The following INF2 variants were observed in gnomAD, a reference collection of about 807,000 sequenced individuals.
INF2 encodes inverted formin 2.
INF2 carries 43 observed loss-of-function variants against 123.5 expected under a neutral mutation model. That is an observed-to-expected ratio of 0.35 (90% CI 0.27 to 0.45). INF2 has a LOEUF of 0.45. INF2 is among the 20% of genes least tolerant of loss of function. The pLI is 1.00. For missense variants in INF2, 1,453 were observed against 1,682.7 expected (o/e 0.86, Z 2.39); for synonymous variants, 851 against 745.0 (o/e 1.14, Z -2.32).
chr14:104,682,020 C>T (rs1259943406), intron 1 of INF2, among the ~76,000 whole-genome samples: 1 of 152,078 alleles, frequency 6.6e-6, no homozygotes, highest in Middle Eastern at 3.2e-3. Context: ...GGAGGAGTTC[C>T]CTGGGGTGGG....
intron 5 of INF2, among the ~76,000 whole-genome samples, chr14:104,705,569 C>CT (rs1370780749): frequency 1.3e-5 from 2 of 152,182 alleles, no homozygotes; most frequent in African/African-American, 2.4e-5. Flanking sequence ...CCAGTGAACA[C>CT]TAAGTTTCCT....
Position 104,721,408 on chromosome 14 carries a change from C to T in INF2, c.*2615C>T, listed in dbSNP as rs916484578. 6.2e-6 allele frequency: 1 copy of T among 161,062 alleles called. No individual in the cohort carries two copies. The highest frequency in any genetic ancestry group is 1.4e-5 in the Non-Finnish European group (1 of 73,766). The allele number at this position is 161,062 out of a possible 1,614,324, so 10.0% of individuals were successfully genotyped here. A position where few individuals can be genotyped will look rare whatever the true frequency, so the allele number is the denominator to read the frequency against. On this transcript the variant is annotated 3_prime_UTR_variant, in exon 23 of 23. Transcript: ENST00000392634. Reference sequence around the variant, plus strand: ...CTGCTGTGGACGTCTGCGTCGTCCTCGTGTGGATGCTGCTGTGGACGTCTG... The same window carrying T: ...CTGCTGTGGACGTCTGCGTCGTCCTTGTGTGGATGCTGCTGTGGACGTCTG...
Position 104,701,649 on chromosome 14 carries a change from C to A in INF2, c.284C>A (p.Ala95Asp). 6.3e-7 allele frequency: 1 copy of A among 1,596,998 alleles called. No homozygotes were observed. The highest frequency in any genetic ancestry group is 8.5e-7 in the Non-Finnish European group (1 of 1,173,748). Reference protein sequence around the residue: ...SGRGVARISDALLQLTCVSCV... With the variant: ...SGRGVARISDDLLQLTCVSCV... ...CGCGGCGTTGCACGTATCTCCGACG[C>A]CCTGCTGCAGCTCACCTGCGTCAGC... Residue 95 changes from alanine (A) to aspartate (D), a missense_variant, in exon 2 of 23, where the codon GCC becomes GAC. Coordinates refer to ENST00000392634, the MANE Select transcript of INF2 (RefSeq NM_022489.4).
intron 1 of INF2, among the ~76,000 whole-genome samples, chr14:104,691,491 A>G (rs910044134): frequency 6.6e-6 from 1 of 152,168 alleles, no homozygotes; most frequent in Non-Finnish European, 1.5e-5. Flanking sequence ...CCCTACCTCC[A>G]TCTTGCAAAC....
chr14:104,716,015 C>T (rs1052794918), intron 22 of INF2: 46 of 451,800 alleles, frequency 1.0e-4, no homozygotes, highest in Admixed American at 9.0e-4. Context: ...GTCAATCAGC[C>T]AGGTCCGTCC....
chr14:104,701,581 C>A lies in INF2; in HGVS notation c.216C>A (p.Ser72Arg). Residue 72 changes from serine to arginine, a missense_variant, in exon 2 of 23, where the codon AGC becomes AGA. Physicochemically the swap from Ser to Arg is moderately radical, Grantham distance 110 (BLOSUM62 -1). Transcript: ENST00000392634. ...GGATGGTGCAGTTCCTGGAGCAGAG[C>A]GGCCTGGACCTGCTGCTGGAGGCGC... ...GGWMVQFLEQ[S>R]GLDLLLEALA... 2.5e-6 allele frequency: 4 copies of A among 1,607,596 alleles called. No homozygotes were observed. The highest frequency in any genetic ancestry group is 3.4e-6 in the Non-Finnish European group (4 of 1,178,814).
At chr14:104,710,733 G>A (rs1890012818) in intron 13 of INF2, 3 of 594,510 alleles carry the variant, frequency 5.0e-6, no homozygotes, top group East Asian at 5.6e-5. Flanking sequence ...GCTCACGTCT[G>A]TCAGGCACAC....
chr14:104,684,200 C>A lies in INF2; in HGVS notation c.-104+2618C>A. 2.2e-6 allele frequency: 1 copy of A among 451,136 alleles called. No homozygotes were observed. The highest frequency in any genetic ancestry group is 1.6e-5 in the South Asian group (1 of 64,134). The allele number at this position is 451,136 out of a possible 1,614,324, so 27.9% of individuals were successfully genotyped here. A position where few individuals can be genotyped will look rare whatever the true frequency, so the allele number is the denominator to read the frequency against. ...AGCACGCATCCCATCTGGACTCCCA[C>A]CAGACAACTGAGGCAACCGAGAAGG... On this transcript the variant is annotated intron_variant, in intron 1 of 2. Transcript: ENST00000674723. This position sits in a 1 kb window ranked among gnomAD's most constrained non-coding sequence, Gnocchi z 5.0.
At chr14:104,709,996 C>A in intron 12 of INF2, 92 bp from the exon 13 acceptor site, 3 of 1,155,050 alleles carry the variant, frequency 2.6e-6, no homozygotes, top group African/African-American at 1.5e-5. Context: ...TCCCTTTGCC[C>A]ACCACCCAAG....
rs200662352 is a variant in INF2 at position 104,703,357 on chromosome 14, C to T, written c.570C>T (p.Asn190=). ...TGAACGAGCTCTCCGGCAGCGACAA[C>T]GTGCCCTACGTGGTCACCCTGCTTA... The part of the protein sequence containing the change: ...IVMNELSGSD[N]VPYVVTLLSV... The change falls in exon 4 of 23, where the codon AAC becomes AAT. Residue 190 remains asparagine (N), a synonymous_variant. Transcript: ENST00000392634. 2.2e-5 allele frequency: 36 copies of T among 1,613,086 alleles called. No homozygotes were observed. The highest frequency in any genetic ancestry group is 5.0e-5 in the Admixed American group (3 of 60,036).
chr14:104,718,536 T>G (rs947300538), intron 22 of INF2, among the ~76,000 whole-genome samples: 1 of 152,060 alleles, frequency 6.6e-6, no homozygotes, highest in African/African-American at 2.4e-5. Flanking sequence ...ATTCCCTATC[T>G]CAGCAGAGAG....
intron 1 of INF2, among the ~76,000 whole-genome samples, chr14:104,681,866 G>GGGGAGCCAGGAA (rs796764560): frequency 5.3e-4 from 80 of 152,334 alleles, no homozygotes; most frequent in Middle Eastern, 3.4e-3. Flanking sequence ...AAGTCTAACT[G>GGGGAGCCAGGAA]GGGAGCCAGG....
rs745354738 is a variant in INF2, at chr14:104,703,441, G to C, written c.654G>C (p.Arg218=). ...PEDLRARTQL[R]NEFIGLQLLD... ...ACCTGCGCGCGCGCACCCAGCTGCG[G>C]AACGAGTTTATCGGTAAGCACCTGC... Residue 218 remains arginine, a synonymous_variant, in exon 4 of 23, where the codon CGG becomes CGC. Transcript: ENST00000392634. 6 of 1,612,368 alleles carry C rather than the reference G, an allele frequency of 3.7e-6. No individual in the cohort carries two copies. In the South Asian group the frequency reaches 6.6e-5, roughly 18 times the overall value.
At position 104,707,805 on chromosome 14, in the gene INF2, G is replaced by T; in HGVS notation, c.1538G>T (p.Gly513Val). 1 of 1,524,228 alleles carries T rather than the reference G, an allele frequency of 6.6e-7. No homozygotes were observed. 94.4% of individuals were successfully genotyped at this position (1,524,228 alleles called of 1,614,324 possible). A position where few individuals can be genotyped will look rare whatever the true frequency, so the allele number is the denominator to read the frequency against. Residue 513 changes from glycine to valine, a missense_variant, in exon 8 of 23, where the codon GGC becomes GTC. Physicochemically the swap from Gly to Val is moderately radical, Grantham distance 109. This residue lies in a region of INF2 where 374 missense variants were observed against 303.7 expected (regional missense o/e 1.23). Coordinates refer to ENST00000392634, the MANE Select transcript of INF2 (RefSeq NM_022489.4). ...CCCCTGCTGCCTGGTATGGGCTGGG[G>T]CCCTCCTCCACCCCCACCTCCACTA... ...PPPLLPGMGW[G>V]PPPPPPPLLP...
intron 18 of INF2, 92 bp from the exon 19 acceptor site, chr14:104,713,115 C>T (rs929780291): frequency 1.1e-5 from 18 of 1,606,494 alleles, no homozygotes; most frequent in Admixed American, 1.0e-4. Context: ...GTGGGCCCTG[C>T]GCTGCTGCGG....
chr14:104,715,098 TA>T (rs1337538924), intron 21 of INF2, among the ~76,000 whole-genome samples, 185 bp from the exon 22 acceptor site: 2 of 151,790 alleles, frequency 1.3e-5, no homozygotes, highest in Non-Finnish European at 2.9e-5. Flanking sequence ...CGTTAGGGAG[TA>T]GGGGGCGGAC....
At position 104,721,946 on chromosome 14, in the gene INF2, A is replaced by C. The variant is rs1595188796; in HGVS notation, c.*3153A>C. On this transcript the variant is annotated 3_prime_UTR_variant, in exon 23 of 23. Coordinates refer to ENST00000392634, the MANE Select transcript of INF2 (RefSeq NM_022489.4). Reference sequence around the variant, plus strand: ...TGTGGGTGTCTGTGTGTCCTGGGCCACTGTGTGCGATGGTCCCACTGGGAG... The same window carrying C: ...TGTGGGTGTCTGTGTGTCCTGGGCCCCTGTGTGCGATGGTCCCACTGGGAG... 6.6e-6 allele frequency: 1 copy of C among 152,484 alleles called. No individual in the cohort carries two copies. The highest frequency in any genetic ancestry group is 1.5e-5 in the Non-Finnish European group (1 of 68,110). The allele number at this position is 152,484 out of a possible 1,614,324, so 9.4% of individuals were successfully genotyped here. A position where few individuals can be genotyped will look rare whatever the true frequency, so the allele number is the denominator to read the frequency against.
upstream of INF2, among the ~76,000 whole-genome samples, chr14:104,689,047 C>G (rs1213539073): frequency 6.6e-6 from 1 of 152,200 alleles, no homozygotes; most frequent in Non-Finnish European, 1.5e-5. Context: ...TGCGGCTGCC[C>G]AAGACCGCCG....
In INF2 at chr14:104,721,183, T is replaced by G. The variant is rs1890544332; in HGVS notation, c.*2390T>G. On this transcript the variant is annotated 3_prime_UTR_variant, in exon 23 of 23. Coordinates refer to ENST00000392634, the MANE Select transcript of INF2 (RefSeq NM_022489.4). ...CGTCGTCCTCGTGTGGATGCTGCTA[T>G]GGACGTCTGCGTAGTCTCGTGTGGA... 7.4e-6 allele frequency: 1 copy of G among 135,778 alleles called. No homozygotes were observed. Among genetic ancestry groups the G allele is most frequent in the African/African-American group, 2.9e-5 (1 of 34,898 alleles). 8.4% of individuals were successfully genotyped at this position (135,778 alleles called of 1,614,324 possible).
Sources: allele counts gnomAD v4.1 joint callset (sites outside exome capture counted in the v4.1 genomes callset), GRCh38; gene constraint gnomAD v4.1.1; regional missense constraint gnomAD v4.1.1; non-coding constraint Gnocchi (gnomAD v3.1); transcripts MANE v1.5; gene names NCBI Gene and HGNC (gene_info 2026-07-23, HGNC 2026-07-21).